TLR5: variants seen among roughly 807,000 people sequenced by gnomAD.
TLR5 encodes the protein toll like receptor 5, also known as toll-like receptor 5.
For missense variants in TLR5, 944 were observed against 999.8 expected, an observed-to-expected ratio of 0.94 and a Z score of 0.75; for synonymous variants, 373 against 384.4, an observed-to-expected ratio of 0.97 and a Z score of 0.35.
chr1:223,133,893 G>C (rs5744154), intron 4 of TLR5, among the ~76,000 whole-genome samples: 1 of 152,228 alleles, frequency 6.6e-6, no homozygotes, highest in Non-Finnish European at 1.5e-5. Context: ...GCGGAGCCGC[G>C]GCCGGAGAGT....
chr1:223,120,563 C>G (rs1373157128), intron 5 of TLR5, among the ~76,000 whole-genome samples: 1 of 152,220 alleles, frequency 6.6e-6, no homozygotes, highest in Non-Finnish European at 1.5e-5. Context: ...GGTCATGGTC[C>G]TCACATTTGG....
At chr1:223,117,317 C>T (rs1371766382) in intron 5 of TLR5, among the ~76,000 whole-genome samples, 1 of 151,956 alleles carries the variant, frequency 6.6e-6, no homozygotes, top group African/African-American at 2.4e-5. Flanking sequence ...CTGTGCCTCT[C>T]CCTCCACACC....
At chr1:223,141,166 G>C (rs1640820) in intron 2 of TLR5, among the ~76,000 whole-genome samples, 3,217 of 152,272 alleles carry the variant, frequency 0.021, 101 homozygotes, top group East Asian at 0.095. Context: ...TTAGTATACA[G>C]AGACAAATAA....
chr1:223,112,987 G>C lies in TLR5; in HGVS notation c.45C>G (p.Ala15=). Reference sequence around the variant, plus strand: ...AGGAAGGAATTCCAAACACAGGACCGGCCATGAGCACCACTCCTAGGAGAA... The same window carrying C: ...AGGAAGGAATTCCAAACACAGGACCCGCCATGAGCACCACTCCTAGGAGAA... ...LDLLLGVVLM[A]GPVFGIPSCS... The change falls in exon 6 of 6, where the codon GCC becomes GCG. Residue 15 remains alanine, a synonymous_variant. Transcript: ENST00000642603. 3 of 1,614,140 alleles carry C rather than the reference G, an allele frequency of 1.9e-6. No homozygotes were observed. The highest frequency in any genetic ancestry group is 2.5e-6 in the Non-Finnish European group (3 of 1,180,028).
intron 2 of TLR5, among the ~76,000 whole-genome samples, chr1:223,139,683 G>A (rs1467452812): frequency 6.6e-6 from 1 of 152,164 alleles, no homozygotes; most frequent in Non-Finnish European, 1.5e-5. Flanking sequence ...TGAGGCTAAA[G>A]AGGATATGCT....
At position 223,111,988 on chromosome 1, in the gene TLR5, C is replaced by T. The variant is rs755848021; in HGVS notation, c.1044G>A (p.Leu348=). Residue 348 remains leucine (L), a synonymous_variant, in exon 6 of 6, where the codon CTG becomes CTA. Transcript: ENST00000642603. ...LQVLNLSYNL[L]GELYSSNFYG... ...AGAAATTCGAACTGTAAAGTTCCCC[C>T]AGAAGGTTATATGACAAATTGAGAA... 3.1e-6 allele frequency: 5 copies of T among 1,614,162 alleles called. No individual in the cohort carries two copies. The highest frequency in any genetic ancestry group is 4.2e-6 in the Non-Finnish European group (5 of 1,180,036).
intron 1 of TLR5, 59 bp from the exon 2 acceptor site, chr1:223,141,822 T>TATAGAGAG (rs1398290863): frequency 7.0e-5 from 3 of 42,984 alleles, no homozygotes; most frequent in South Asian, 1.2e-3. Flanking sequence ...TATATATATA[T>TATAGAGAG]AGAGAGAGAG....
chr1:223,123,106 G>C (rs1657016434), intron 5 of TLR5, among the ~76,000 whole-genome samples: 1 of 152,178 alleles, frequency 6.6e-6, no homozygotes, highest in African/African-American at 2.4e-5. Flanking sequence ...AGTATTTGCA[G>C]GAAAGAACAA....
intron 5 of TLR5, chr1:223,128,583 G>C (rs974208371): frequency 1.3e-5 from 2 of 151,656 alleles, no homozygotes; most frequent in African/African-American, 2.4e-5. Flanking sequence ...GGGAACCTAA[G>C]TCTGTTTCAC....
intron 5 of TLR5, among the ~76,000 whole-genome samples, chr1:223,118,880 G>A (rs1656805056): frequency 6.6e-6 from 1 of 152,050 alleles, no homozygotes; most frequent in South Asian, 2.1e-4. Context: ...GAGGCAGGCG[G>A]ATCACCTGAG....
At chr1:223,115,939 T>C (rs1348831323) in intron 5 of TLR5, among the ~76,000 whole-genome samples, 1 of 152,306 alleles carries the variant, frequency 6.6e-6, no homozygotes. Context: ...CCAAACTCTT[T>C]CCAGCCTCAG....
At chr1:223,130,870 T>C (rs965886079) in intron 5 of TLR5, among the ~76,000 whole-genome samples, 1 of 152,340 alleles carries the variant, frequency 6.6e-6, no homozygotes, top group African/African-American at 2.4e-5. Context: ...CCTTAAAATC[T>C]AACCAGGAGG....
chr1:223,123,510 C>G (rs1044710507), intron 5 of TLR5: 5 of 152,168 alleles, frequency 3.3e-5, no homozygotes, highest in African/African-American at 9.7e-5. Flanking sequence ...AAAGATACCA[C>G]GCAGACAGAT....
At chr1:223,127,862 C>T (rs1657232900) in intron 5 of TLR5, 1 of 152,442 alleles carries the variant, frequency 6.6e-6, no homozygotes, top group South Asian at 2.1e-4. Context: ...TCTGCAGACT[C>T]CAGAGCAGTG....
intron 5 of TLR5, among the ~76,000 whole-genome samples, chr1:223,115,152 A>T (rs1181560551): frequency 6.6e-6 from 1 of 152,222 alleles, no homozygotes; most frequent in Non-Finnish European, 1.5e-5. Context: ...TACATGATTC[A>T]GCTCTTGGCT....
intron 4 of TLR5, among the ~76,000 whole-genome samples, chr1:223,133,412 G>A (rs752737027): frequency 1.1e-4 from 16 of 152,164 alleles, no homozygotes; most frequent in Non-Finnish European, 2.1e-4. Context: ...TCCTTGAAAC[G>A]GTGATTCTGA....
In TLR5 at chr1:223,141,671, G is replaced by A. The variant is rs1657845438; in HGVS notation, c.-462C>T. 6.6e-6 allele frequency: 1 copy of A among 151,420 alleles called. No homozygotes were observed. Among genetic ancestry groups the A allele is most frequent in the African/African-American group, 2.4e-5 (1 of 41,186 alleles). The allele number at this position is 151,420 out of a possible 1,614,324, so 9.4% of individuals were successfully genotyped here. On this transcript the variant is annotated 5_prime_UTR_variant, in exon 2 of 6. Coordinates refer to ENST00000642603, the MANE Select transcript of TLR5 (RefSeq NM_003268.6). Reference sequence around the variant, plus strand: ...ACCTGTAATCCCAGCTACTTGGGAGGCTGAGGCAAGAGAATCGCTTGAACC... The same window carrying A: ...ACCTGTAATCCCAGCTACTTGGGAGACTGAGGCAAGAGAATCGCTTGAACC...
At chr1:223,125,813 A>G (rs909449041) in intron 5 of TLR5, among the ~76,000 whole-genome samples, 2 of 152,156 alleles carry the variant, frequency 1.3e-5, no homozygotes, top group Non-Finnish European at 2.9e-5. Flanking sequence ...GTTGGTGTGG[A>G]GTGTGGCTTG....
At position 223,110,363 on chromosome 1, in the gene TLR5, C is replaced by T; in HGVS notation, c.*92G>A. On this transcript the variant is annotated 3_prime_UTR_variant, in exon 6 of 6. Transcript: ENST00000642603. ...CATAGTAGCAAAAAGAAAAAAAAAACCTCCAGAGAGGACCCCAAAATGATA... is the reference window on the plus strand; with the variant it reads ...CATAGTAGCAAAAAGAAAAAAAAAATCTCCAGAGAGGACCCCAAAATGATA... 1.5e-6 allele frequency: 2 copies of T among 1,358,538 alleles called. No individual in the cohort carries two copies. The highest frequency in any genetic ancestry group is 2.1e-6 in the Non-Finnish European group (2 of 973,434). 84.2% of individuals were successfully genotyped at this position (1,358,538 alleles called of 1,614,324 possible).
Sources: gnomAD v4.1 joint callset for allele counts (sites outside exome capture counted in the v4.1 genomes callset) on GRCh38, gnomAD v4.1.1 for gene constraint, MANE v1.5 for transcripts, NCBI Gene and HGNC (gene_info 2026-07-23, HGNC 2026-07-21) for gene names.